The following TENM2 variants were observed in gnomAD, a reference collection of about 807,000 sequenced individuals.
TENM2 encodes teneurin transmembrane protein 2, also known as teneurin-2.
In TENM2, 52 loss-of-function variants were observed where a neutral mutation model predicts 245.2. The observed-to-expected ratio is 0.21, with a 90% CI of 0.17 to 0.27. TENM2 has a LOEUF of 0.27. TENM2 is among the 10% of genes least tolerant of loss of function. The pLI, the probability that TENM2 is intolerant of heterozygous loss-of-function variation, is 1.00. For synonymous variants in TENM2, 1,363 were observed against 1,438.9 expected (o/e 0.95, Z 1.19); for missense variants, 3,046 against 3,666.8 (o/e 0.83, Z 4.37).
At chr5:168,043,458 G>GT (rs1788368395) in intron 5 of TENM2, among the ~76,000 whole-genome samples, 1 of 152,266 alleles carries the variant, frequency 6.6e-6, no homozygotes, top group Admixed American at 6.5e-5. Context: ...TTACAGTGCT[G>GT]TTTTTTGTTG....
intron 5 of TENM2, among the ~76,000 whole-genome samples, chr5:168,027,762 C>T (rs1214316116): frequency 6.6e-6 from 1 of 152,150 alleles, no homozygotes; most frequent in Non-Finnish European, 1.5e-5. Context: ...GAGAATACAT[C>T]TCTATATATG....
intron 9 of TENM2, among the ~76,000 whole-genome samples, chr5:168,102,159 C>T (rs189704432): frequency 9.9e-5 from 15 of 152,148 alleles, no homozygotes; most frequent in African/African-American, 2.9e-4. Context: ...CCGCAACCTC[C>T]GCCTCCTGGG....
the TENM2 span, among the ~76,000 whole-genome samples, chr5:167,252,462 G>A: frequency 6.6e-6 from 1 of 152,118 alleles, no homozygotes. Context: ...GGGGAAGAAG[G>A]AGTCCAGGCT....
intron 1 of TENM2, among the ~76,000 whole-genome samples, chr5:167,310,474 T>TA (rs892298804): frequency 6.6e-6 from 1 of 151,944 alleles, no homozygotes; most frequent in South Asian, 2.1e-4. Context: ...TTTCAAAAAA[T>TA]AAAAAAAGAA....
At chr5:167,737,347 C>A (rs539783774) in intron 2 of TENM2, among the ~76,000 whole-genome samples, 2 of 152,154 alleles carry the variant, frequency 1.3e-5, no homozygotes, top group Non-Finnish European at 2.9e-5. Flanking sequence ...CACAGAGCGC[C>A]GGCGGCTACC....
At chr5:167,604,685 C>T (rs1175466390) in intron 2 of TENM2, among the ~76,000 whole-genome samples, 3 of 152,318 alleles carry the variant, frequency 2.0e-5, no homozygotes, top group Non-Finnish European at 2.9e-5. Flanking sequence ...TGAGACACAT[C>T]AATGTGTTCC....
At chr5:168,224,303 G>C in intron 23 of TENM2, among the ~76,000 whole-genome samples, 1 of 152,250 alleles carries the variant, frequency 6.6e-6, no homozygotes, top group African/African-American at 2.4e-5. Context: ...GAGTGATAGC[G>C]GTGGATCCTG....
chr5:167,128,591 A>C, the TENM2 span, among the ~76,000 whole-genome samples: 1 of 151,230 alleles, frequency 6.6e-6, no homozygotes, highest in African/African-American at 2.4e-5. Context: ...CTTTCACCTG[A>C]AAAGTTAATA....
At chr5:167,368,774 A>T (rs893842259) in intron 1 of TENM2, among the ~76,000 whole-genome samples, 4 of 151,988 alleles carry the variant, frequency 2.6e-5, no homozygotes, top group Non-Finnish European at 5.9e-5. Flanking sequence ...GGCAGGGCAG[A>T]GTTGAGATTT....
At chr5:167,157,122 T>C in the TENM2 span, among the ~76,000 whole-genome samples, 1 of 152,226 alleles carries the variant, frequency 6.6e-6, no homozygotes, top group East Asian at 1.9e-4. Flanking sequence ...TTTGGCAATC[T>C]GTTACAGTAG....
intron 2 of TENM2, among the ~76,000 whole-genome samples, chr5:167,515,837 ATTTAG>A (rs1770346564): frequency 6.6e-6 from 1 of 151,312 alleles, no homozygotes; most frequent in Non-Finnish European, 1.5e-5. Context: ...ATAGGGCAAT[ATTTAG>A]TTTAATCTAT....
chr5:168,026,488 T>C (rs985508430), intron 5 of TENM2, among the ~76,000 whole-genome samples: 3 of 152,170 alleles, frequency 2.0e-5, no homozygotes, highest in Admixed American at 6.5e-5. Flanking sequence ...ATGGAAACCA[T>C]GGATTTGTCA....
At chr5:168,135,094 G>A (rs1220123792) in intron 12 of TENM2, among the ~76,000 whole-genome samples, 2 of 152,144 alleles carry the variant, frequency 1.3e-5, no homozygotes, top group East Asian at 3.8e-4. Context: ...ACTCAATCAA[G>A]TACCACGCAT....
intron 2 of TENM2, among the ~76,000 whole-genome samples, chr5:167,539,210 C>T (rs1772041063): frequency 6.6e-6 from 1 of 152,040 alleles, no homozygotes; most frequent in African/African-American, 2.4e-5. Flanking sequence ...TTAATGTGTG[C>T]TTTCATTTGA....
At chr5:167,865,675 G>T (rs910083671) in intron 2 of TENM2, among the ~76,000 whole-genome samples, 2 of 152,150 alleles carry the variant, frequency 1.3e-5, no homozygotes, top group Non-Finnish European at 2.9e-5. Context: ...TTCTCTTGGA[G>T]ACTGACATGT....
At chr5:167,897,655 C>T (rs1329835923) in intron 3 of TENM2, among the ~76,000 whole-genome samples, 1 of 152,142 alleles carries the variant, frequency 6.6e-6, no homozygotes, top group Non-Finnish European at 1.5e-5. Context: ...GCATTTTTCC[C>T]AGTAATGGGA....
At chr5:167,589,199 C>CA (rs5873047) in intron 2 of TENM2, among the ~76,000 whole-genome samples, 114,612 of 139,152 alleles carry the variant, frequency 0.82, 46,895 homozygotes, top group East Asian at 0.95. Context: ...GAGGCTGTCT[C>CA]AAAAAAAAAA....
chr5:167,008,353 A>G, the TENM2 span, among the ~76,000 whole-genome samples: 1 of 152,188 alleles, frequency 6.6e-6, no homozygotes, highest in Non-Finnish European at 1.5e-5. Context: ...AGTCAGAAGA[A>G]GATCTAAAAA....
intron 12 of TENM2, among the ~76,000 whole-genome samples, chr5:168,148,087 C>T (rs1006918826): frequency 2.6e-5 from 4 of 152,184 alleles, no homozygotes; most frequent in African/African-American, 9.7e-5. Context: ...GGGAATTGCT[C>T]TGCTGCAATT....
Sources: allele counts gnomAD v4.1 joint callset (sites outside exome capture counted in the v4.1 genomes callset), GRCh38; gene constraint gnomAD v4.1.1; transcripts MANE v1.5; gene names NCBI Gene and HGNC (gene_info 2026-07-23, HGNC 2026-07-21).